Variants in SRGAP2C observed in about 807,000 individuals in gnomAD.
SRGAP2C encodes the protein SLIT-ROBO Rho GTPase activating protein 2C, also known as SLIT-ROBO Rho GTPase-activating protein 2C.
In SRGAP2C, 15 loss-of-function variants were observed where a neutral mutation model predicts 25.1. The observed-to-expected ratio is 0.60, with a 90% confidence interval of 0.40 to 0.92. The LOEUF (loss-of-function observed/expected upper bound fraction) is 0.92, where lower values mean the gene tolerates loss of function less well. Among genes scored for constraint, SRGAP2C ranks in the 40% least tolerant of loss-of-function variants. The pLI, the probability that SRGAP2C is intolerant of heterozygous loss-of-function variation, is 0.00. For synonymous variants in SRGAP2C, 44 were observed against 96.6 expected (o/e 0.46, Z 3.19); for missense variants, 144 against 264.4 (o/e 0.54, Z 3.16).
chr1:121,347,476 AG>A (rs1364745336), intron 4 of SRGAP2C, among the ~76,000 whole-genome samples: 3 of 147,558 alleles, frequency 2.0e-5, no homozygotes, highest in African/African-American at 7.6e-5. Flanking sequence ...CAGAATATTT[AG>A]GGTTAACTAA....
At chr1:121,359,655 C>T (rs1273000034) in intron 4 of SRGAP2C, among the ~76,000 whole-genome samples, 2 of 152,278 alleles carry the variant, frequency 1.3e-5, no homozygotes, top group African/African-American at 4.8e-5. Context: ...GTCGTCCCAG[C>T]TACATGGGAA....
chr1:121,225,686 T>G (rs1396046047), intron 2 of SRGAP2C, among the ~76,000 whole-genome samples: 4 of 150,334 alleles, frequency 2.7e-5, no homozygotes, highest in Non-Finnish European at 5.9e-5. Flanking sequence ...TTATTTAATA[T>G]TGACAACTTA....
In SRGAP2C at chr1:121,234,831, G is replaced by A. The variant is rs587763267; in HGVS notation, c.67+47318G>A. ...GCCCCTCTTGCCCTCTTGCTCTTTC[G>A]CTCTCTCTTGCCCTTCTGCCTTCTG... is the stretch of plus-strand genomic sequence containing the variant. On this transcript the variant is annotated intron_variant, in intron 2 of 9. Coordinates refer to ENST00000367123, the MANE Select transcript of SRGAP2C (RefSeq NM_001329984.2). Among the ~76,000 whole-genome samples, 32 of 149,246 alleles carry A rather than the reference G, an allele frequency of 2.1e-4. No individual in the cohort carries two copies. In the East Asian group the frequency reaches 3.5e-3, roughly 16 times the overall value.
chr1:121,283,533 C>T (rs1657298077), intron 2 of SRGAP2C, among the ~76,000 whole-genome samples: 1 of 151,202 alleles, frequency 6.6e-6, no homozygotes, highest in African/African-American at 2.4e-5. Flanking sequence ...CATAATGATG[C>T]ATTACATAGC....
intron 3 of SRGAP2C, among the ~76,000 whole-genome samples, chr1:121,306,070 G>A (rs1251879080): frequency 6.6e-6 from 1 of 152,162 alleles, no homozygotes; most frequent in Non-Finnish European, 1.5e-5. Context: ...ATGTCCTTAT[G>A]TCCTTTTCAT....
intron 2 of SRGAP2C, among the ~76,000 whole-genome samples, chr1:121,255,499 T>A (rs2101520208): frequency 6.6e-6 from 1 of 151,444 alleles, no homozygotes; most frequent in South Asian, 2.1e-4. Flanking sequence ...AGATCCCAGA[T>A]CAAGAGATAC....
chr1:121,295,912 C>T (rs2101580250), intron 3 of SRGAP2C, among the ~76,000 whole-genome samples: 1 of 152,276 alleles, frequency 6.6e-6, no homozygotes, highest in South Asian at 2.1e-4. Flanking sequence ...CAGGCATGCG[C>T]CATGACGCCA....
At chr1:121,384,543 G>A (rs368011491) in intron 8 of SRGAP2C, among the ~76,000 whole-genome samples, 3 of 90,778 alleles carry the variant, frequency 3.3e-5, no homozygotes, top group East Asian at 7.2e-4. Flanking sequence ...CACCTGCCCT[G>A]GCTTCTGGTC....
At chr1:121,267,651 T>C (rs1374568863) in intron 2 of SRGAP2C, among the ~76,000 whole-genome samples, 2 of 124,026 alleles carry the variant, frequency 1.6e-5, no homozygotes, top group African/African-American at 6.3e-5. Flanking sequence ...TACTCCATGG[T>C]CAGCCCTGGG....
At chr1:121,192,250 T>C (rs1553319888) in intron 2 of SRGAP2C, among the ~76,000 whole-genome samples, 1 of 151,202 alleles carries the variant, frequency 6.6e-6, no homozygotes, top group Non-Finnish European at 1.5e-5. Context: ...GTTAATCAGT[T>C]TTAAATATAA....
In SRGAP2C at chr1:121,264,585, T is replaced by C. The variant is rs587711374; in HGVS notation, c.68-20218T>C. ...TCGGTTCCTTGCATGCAGCTTCTTT[T>C]CTGTTGCCTCTGGGCCTTTGAACAT... On this transcript the variant is annotated intron_variant, in intron 2 of 9. Coordinates refer to ENST00000367123, the MANE Select transcript of SRGAP2C (RefSeq NM_001329984.2). Among the ~76,000 whole-genome samples the C allele has an allele frequency of 6.8e-3, 987 of 144,790 alleles. 16 individuals are homozygous for C. The highest frequency in any genetic ancestry group is 0.012 in the Non-Finnish European group (774 of 65,472). 95.0% of individuals were successfully genotyped at this position (144,790 alleles called of 152,430 possible). A position where few individuals can be genotyped will look rare whatever the true frequency, so the allele number is the denominator to read the frequency against.
intron 5 of SRGAP2C, among the ~76,000 whole-genome samples, chr1:121,371,755 C>CT (rs1287324545): frequency 1.6e-4 from 21 of 133,080 alleles, no homozygotes; most frequent in African/African-American, 5.7e-4. Flanking sequence ...TCTTTGACCT[C>CT]TTTTTTATCT....
In SRGAP2C at chr1:121,390,812, G is replaced by T. The variant is rs1370074885; in HGVS notation, c.*2957G>T. 6.6e-6 allele frequency: 1 copy of T among 151,946 alleles called. No individual in the cohort carries two copies. The highest frequency in any genetic ancestry group is 6.6e-5 in the Admixed American group (1 of 15,258). The allele number at this position is 151,946 out of a possible 1,614,324, so 9.4% of individuals were successfully genotyped here. A position where few individuals can be genotyped will look rare whatever the true frequency, so the allele number is the denominator to read the frequency against. The stretch of plus-strand genomic sequence containing the variant: ...TCCCAGCGCTGTGGGAGCCTGAGGC[G>T]GGTGGGTCTCTTGAGGCCAGGAGTT... On this transcript the variant is annotated 3_prime_UTR_variant, in exon 10 of 10. Coordinates refer to ENST00000367123, the MANE Select transcript of SRGAP2C (RefSeq NM_001329984.2).
chr1:121,235,053 G>A (rs1655917221), intron 2 of SRGAP2C, among the ~76,000 whole-genome samples: 1 of 129,420 alleles, frequency 7.7e-6, no homozygotes, highest in South Asian at 2.4e-4. Context: ...GCGGAGTCTC[G>A]CTCCGTCCCC....
intron 3 of SRGAP2C, among the ~76,000 whole-genome samples, chr1:121,293,051 G>T: frequency 8.3e-6 from 1 of 120,794 alleles, no homozygotes; most frequent in Middle Eastern, 3.8e-3. Flanking sequence ...AAGTTCAATG[G>T]ATGGGAGATA....
At chr1:121,223,960 A>G (rs1266327120) in intron 2 of SRGAP2C, among the ~76,000 whole-genome samples, 1 of 148,566 alleles carries the variant, frequency 6.7e-6, no homozygotes. Flanking sequence ...CAAAGTTATT[A>G]ATGGAAATGT....
At chr1:121,212,331 C>T (rs587706282) in intron 2 of SRGAP2C, among the ~76,000 whole-genome samples, 1 of 151,256 alleles carries the variant, frequency 6.6e-6, no homozygotes, top group East Asian at 2.0e-4. Context: ...GGGGTTTCAC[C>T]ATATTGGCCA....
intron 4 of SRGAP2C, among the ~76,000 whole-genome samples, chr1:121,347,775 G>C (rs1248970890): frequency 6.6e-6 from 1 of 151,964 alleles, no homozygotes; most frequent in Non-Finnish European, 1.5e-5. Flanking sequence ...TGTGGAGAAT[G>C]AATGTTCTCG....
In SRGAP2C at chr1:121,272,358, AGGT is replaced by A. The variant is rs587724961; in HGVS notation, c.68-12439_68-12437del. On this transcript the variant is annotated intron_variant, in intron 2 of 9. Coordinates refer to ENST00000367123, the MANE Select transcript of SRGAP2C (RefSeq NM_001329984.2). Reference sequence around the variant, plus strand: ...TTGCCCAAGGTCACACATAGCTAGTAGGTGGTGGAGCTGGCATTTTGAGCCCAG... The same window carrying A: ...TTGCCCAAGGTCACACATAGCTAGTAGGTGGAGCTGGCATTTTGAGCCCAG... 4.8e-3 allele frequency among the ~76,000 whole-genome samples: 724 copies of A among 151,724 alleles called. 17 individuals carry two copies. The highest frequency in any genetic ancestry group is 0.016 in the African/African-American group (681 of 41,402).
Sources: gnomAD v4.1 joint callset for allele counts (sites outside exome capture counted in the v4.1 genomes callset) on GRCh38, gnomAD v4.1.1 for gene constraint, MANE v1.5 for transcripts, NCBI Gene and HGNC (gene_info 2026-07-23, HGNC 2026-07-21) for gene names.